MECOM: variants seen among roughly 807,000 people sequenced by gnomAD.
MECOM encodes the protein MDS1 and EVI1 complex locus, also known as histone-lysine N-methyltransferase MECOM.
MECOM carries 13 observed loss-of-function variants against 116.3 expected under a neutral mutation model. That is an observed-to-expected ratio of 0.11 (90% CI 0.07 to 0.18). The LOEUF (loss-of-function observed/expected upper bound fraction) is 0.18, where lower values mean the gene tolerates loss of function less well. MECOM is among the 10% of genes least tolerant of loss of function. MECOM has a pLI of 1.00. For missense variants in MECOM, 1,299 were observed against 1,509.0 expected (o/e 0.86, Z 2.31); for synonymous variants, 528 against 535.2 (o/e 0.99, Z 0.19).
intron 1 of MECOM, among the ~76,000 whole-genome samples, chr3:169,655,817 T>C (rs191505253): frequency 6.6e-4 from 101 of 152,322 alleles, no homozygotes; most frequent in African/African-American, 1.4e-3. Context: ...TCAGAAAATT[T>C]AACTGATAAA....
At chr3:169,332,957 G>GA (rs1021173230) in intron 2 of MECOM, among the ~76,000 whole-genome samples, 5 of 151,194 alleles carry the variant, frequency 3.3e-5, no homozygotes, top group African/African-American at 2.4e-5. Flanking sequence ...AACTAGGGAA[G>GA]AAAAAAAAGC....
At chr3:169,373,820 T>G (rs1730554942) in intron 2 of MECOM, among the ~76,000 whole-genome samples, 2 of 152,006 alleles carry the variant, frequency 1.3e-5, no homozygotes, top group Non-Finnish European at 2.9e-5. Context: ...CATGGACTAC[T>G]TCAGCTCTCA....
chr3:169,523,946 A>G (rs896556575), intron 1 of MECOM, among the ~76,000 whole-genome samples: 1 of 147,998 alleles, frequency 6.8e-6, no homozygotes, highest in South Asian at 2.1e-4. Flanking sequence ...TAATATATAT[A>G]TGTGTGTATA....
intron 1 of MECOM, among the ~76,000 whole-genome samples, chr3:169,574,132 G>A (rs1206787541): frequency 6.6e-6 from 1 of 151,940 alleles, no homozygotes; most frequent in Admixed American, 6.6e-5. Context: ...AGATTTGAGG[G>A]CTACCTGAAA....
At chr3:169,417,900 C>T (rs1180722140) in intron 1 of MECOM, among the ~76,000 whole-genome samples, 1 of 150,782 alleles carries the variant, frequency 6.6e-6, no homozygotes, top group South Asian at 2.1e-4. Context: ...AGGTGGGAAT[C>T]GAACAATGAG....
At chr3:169,222,323 C>G (rs1016296416) in intron 2 of MECOM, among the ~76,000 whole-genome samples, 2 of 152,176 alleles carry the variant, frequency 1.3e-5, no homozygotes, top group African/African-American at 4.8e-5. Context: ...GCTATGGTTT[C>G]GAAATTAATT....
chr3:169,553,529 C>T (rs1221499969), intron 1 of MECOM, among the ~76,000 whole-genome samples: 1 of 152,198 alleles, frequency 6.6e-6, no homozygotes, highest in African/African-American at 2.4e-5. Flanking sequence ...GCAGGGACTG[C>T]TAGCTAATCA....
At chr3:169,104,759 T>C (rs991101891) in intron 10 of MECOM, among the ~76,000 whole-genome samples, 1 of 152,168 alleles carries the variant, frequency 6.6e-6, no homozygotes, top group Non-Finnish European at 1.5e-5. Flanking sequence ...TCCTTCAAGT[T>C]ATTTGAGAGC....
chr3:169,184,660 G>A (rs374835701), intron 2 of MECOM, among the ~76,000 whole-genome samples: 12 of 152,278 alleles, frequency 7.9e-5, no homozygotes, highest in South Asian at 4.1e-4. Flanking sequence ...TCTTTAAGGC[G>A]TCCCATGGGG....
At chr3:169,439,684 T>C (rs771975089) in intron 1 of MECOM, among the ~76,000 whole-genome samples, 10 of 152,214 alleles carry the variant, frequency 6.6e-5, no homozygotes, top group Non-Finnish European at 1.3e-4. Flanking sequence ...AATATTGTAC[T>C]ATCTTGTGCT....
chr3:169,101,862 T>C (rs934969675), intron 11 of MECOM, among the ~76,000 whole-genome samples, 198 bp downstream of exon 11: 1 of 152,240 alleles, frequency 6.6e-6, no homozygotes, highest in African/African-American at 2.4e-5. Flanking sequence ...ATGTCCTGTG[T>C]TAAAATTCAC....
chr3:169,205,484 AAAGTT>A (rs2149459798), intron 2 of MECOM, among the ~76,000 whole-genome samples: 1 of 152,284 alleles, frequency 6.6e-6, no homozygotes, highest in Admixed American at 6.5e-5. Flanking sequence ...TCCCTTCTGA[AAAGTT>A]AAGACAAGGC....
At chr3:169,381,147 C>T in intron 2 of MECOM, 40 bp downstream of exon 2, 1 of 1,512,780 alleles carries the variant, frequency 6.6e-7, no homozygotes, top group Non-Finnish European at 9.0e-7. Flanking sequence ...CTTTACACAG[C>T]TGCAATATAT....
chr3:169,180,106 CA>C (rs1745747601), intron 2 of MECOM, among the ~76,000 whole-genome samples: 1 of 152,188 alleles, frequency 6.6e-6, no homozygotes, highest in Non-Finnish European at 1.5e-5. Context: ...CTGGCATTTA[CA>C]ATATAGTCAC....
intron 3 of MECOM, among the ~76,000 whole-genome samples, chr3:169,138,238 A>G (rs1736972163): frequency 6.6e-6 from 1 of 152,114 alleles, no homozygotes; most frequent in South Asian, 2.1e-4. Flanking sequence ...CGATATATAC[A>G]TGCAAACACT....
At chr3:169,282,559 GTTTA>G (rs898252056) in intron 2 of MECOM, among the ~76,000 whole-genome samples, 8 of 152,080 alleles carry the variant, frequency 5.3e-5, no homozygotes, top group Admixed American at 5.2e-4. Flanking sequence ...GAAAGTATTT[GTTTA>G]TTTATTTACT....
At chr3:169,137,646 C>T (rs1736765112) in intron 3 of MECOM, among the ~76,000 whole-genome samples, 2 of 152,026 alleles carry the variant, frequency 1.3e-5, no homozygotes, top group African/African-American at 2.4e-5. Context: ...TTGCTATATC[C>T]ACTTCCTAAA....
At chr3:169,146,927 A>G (rs1234351730) in intron 2 of MECOM, 2 of 1,024,298 alleles carry the variant, frequency 2.0e-6, no homozygotes, top group Non-Finnish European at 2.3e-6. Context: ...GTCTCTGACA[A>G]CTTTGTCCGT....
intron 10 of MECOM, among the ~76,000 whole-genome samples, chr3:169,106,754 A>G (rs1220431800): frequency 1.3e-5 from 2 of 152,166 alleles, no homozygotes; most frequent in African/African-American, 4.8e-5. Context: ...ACTGTACCTT[A>G]GAAAAGATGA....
Sources: gnomAD v4.1 joint callset for allele counts (sites outside exome capture counted in the v4.1 genomes callset) on GRCh38, gnomAD v4.1.1 for gene constraint, MANE v1.5 for transcripts, NCBI Gene and HGNC (gene_info 2026-07-23, HGNC 2026-07-21) for gene names.